The following ZPBP variants were observed in gnomAD, a reference collection of about 807,000 sequenced individuals.
ZPBP encodes the protein zona pellucida-binding protein 1.
Under a neutral mutation model 44.8 loss-of-function variants are expected in ZPBP, and 26 were observed. The observed-to-expected ratio is 0.58, with a 90% CI of 0.43 to 0.81. The LOEUF is 0.81. Ranked by LOEUF, ZPBP falls within the 30% of genes least tolerant of loss-of-function variation. ZPBP has a pLI of 0.00. For missense variants in ZPBP, 409 were observed against 434.0 expected, an observed-to-expected ratio of 0.94 and a Z score of 0.51; for synonymous variants, 174 against 153.2, an observed-to-expected ratio of 1.14 and a Z score of -1.00.
intron 7 of ZPBP, among the ~76,000 whole-genome samples, chr7:49,967,792 C>T (rs1049429113): frequency 2.0e-5 from 3 of 152,032 alleles, no homozygotes; most frequent in Non-Finnish European, 4.4e-5. Flanking sequence ...GTGATCTGCC[C>T]GCCTTGGCCT....
chr7:49,846,898 T>C (rs1056076339), downstream of ZPBP, among the ~76,000 whole-genome samples: 1 of 152,242 alleles, frequency 6.6e-6, no homozygotes, highest in Non-Finnish European at 1.5e-5. Flanking sequence ...TAAAATATTA[T>C]GATACAAATA....
intron 6 of ZPBP, among the ~76,000 whole-genome samples, chr7:50,012,606 T>G (rs2128801868): frequency 6.6e-6 from 1 of 150,914 alleles, no homozygotes; most frequent in Non-Finnish European, 1.5e-5. Context: ...GTAACACCCA[T>G]TTGTAATGTA....
chr7:49,910,224 C>T (rs1205016793), intron 1 of ZPBP, among the ~76,000 whole-genome samples: 2 of 152,194 alleles, frequency 1.3e-5, no homozygotes, highest in Non-Finnish European at 2.9e-5. Context: ...CCTCCACCTC[C>T]TGGGCGAACT....
At chr7:50,049,429 T>C (rs1800572470) in intron 4 of ZPBP, among the ~76,000 whole-genome samples, 1 of 151,188 alleles carries the variant, frequency 6.6e-6, no homozygotes, top group African/African-American at 2.4e-5. Flanking sequence ...GCAAATCAAA[T>C]CTAGCAAAAT....
chr7:50,071,221 T>C (rs1262576038), intron 3 of ZPBP, among the ~76,000 whole-genome samples: 2 of 151,894 alleles, frequency 1.3e-5, no homozygotes, highest in Non-Finnish European at 2.9e-5. Flanking sequence ...AACACAGCAA[T>C]TGTGAGGTAT....
At chr7:49,922,239 T>A (rs960089861) in intron 1 of ZPBP, among the ~76,000 whole-genome samples, 20 of 152,176 alleles carry the variant, frequency 1.3e-4, no homozygotes, top group African/African-American at 4.6e-4. Context: ...TTGTCATTTC[T>A]AAAAGTAAAT....
chr7:50,084,634 C>T (rs12718238), intron 2 of ZPBP, among the ~76,000 whole-genome samples: 117,641 of 151,372 alleles, frequency 0.78, 45,814 homozygotes, highest in East Asian at 0.88. Flanking sequence ...TGGGCCAAAA[C>T]CAATGAAATA....
At chr7:50,036,247 G>A (rs918476218) in intron 4 of ZPBP, among the ~76,000 whole-genome samples, 3 of 152,090 alleles carry the variant, frequency 2.0e-5, no homozygotes, top group African/African-American at 7.2e-5. Context: ...TCCACCTCCC[G>A]GGTTCAAGCA....
the ZPBP span, among the ~76,000 whole-genome samples, chr7:49,841,189 T>G: frequency 6.6e-6 from 1 of 152,224 alleles, no homozygotes; most frequent in African/African-American, 2.4e-5. Context: ...CAGACTCAAG[T>G]AACCAAAGCA....
intron 1 of ZPBP, among the ~76,000 whole-genome samples, chr7:50,089,968 A>G (rs766647541): frequency 9.9e-5 from 15 of 151,980 alleles, no homozygotes; most frequent in Non-Finnish European, 1.8e-4. Flanking sequence ...AGAAGTTCAA[A>G]TCTCCCACCA....
chr7:49,843,406 T>C, the ZPBP span, among the ~76,000 whole-genome samples: 10 of 151,974 alleles, frequency 6.6e-5, no homozygotes, highest in Non-Finnish European at 1.3e-4. Context: ...ATTAAGCAAA[T>C]GTTTTCAGAG....
Position 50,002,188 on chromosome 7 carries a change from C to A in ZPBP, c.783+16052G>T, listed in dbSNP as rs1189990161. Among the ~76,000 whole-genome samples the A allele has an allele frequency of 2.6e-5, 4 of 152,198 alleles. No individual in the cohort carries two copies. The East Asian group carries it at 7.7e-4, about 29-fold the overall frequency. On this transcript the variant is annotated intron_variant, in intron 6 of 7. Coordinates refer to ENST00000046087, the MANE Select transcript of ZPBP (RefSeq NM_007009.3). ...ATCATGGTGGAAGGCAAATGAGGAGCCAAATTACGTCTTACATGGCAGCAG... is the reference window on the plus strand; with the variant it reads ...ATCATGGTGGAAGGCAAATGAGGAGACAAATTACGTCTTACATGGCAGCAG...
intron 7 of ZPBP, among the ~76,000 whole-genome samples, chr7:49,971,100 A>G (rs191452577): frequency 2.6e-3 from 399 of 152,166 alleles, no homozygotes; most frequent in Non-Finnish European, 4.5e-3. Context: ...GACAAGTGAA[A>G]ATGCAAACAC....
At chr7:49,917,884 A>G (rs1341795152) in intron 1 of ZPBP, 1 of 152,066 alleles carries the variant, frequency 6.6e-6, no homozygotes, top group East Asian at 1.9e-4. Flanking sequence ...TTATATTTAC[A>G]TTGTCAAATA....
At chr7:49,953,993 T>C (rs1340080559) in intron 7 of ZPBP, among the ~76,000 whole-genome samples, 1 of 151,986 alleles carries the variant, frequency 6.6e-6, no homozygotes, top group East Asian at 1.9e-4. Context: ...GGGCACTAAA[T>C]AGTCGAAAAA....
intron 2 of ZPBP, among the ~76,000 whole-genome samples, chr7:49,858,709 A>T (rs1218983540): frequency 1.5e-5 from 2 of 135,568 alleles, no homozygotes; most frequent in South Asian, 2.1e-4. Flanking sequence ...TAATAATAAT[A>T]AAAAAAAGAA....
chr7:50,067,257 A>G (rs568974309), intron 3 of ZPBP, among the ~76,000 whole-genome samples: 1 of 152,026 alleles, frequency 6.6e-6, no homozygotes, highest in South Asian at 2.1e-4. Flanking sequence ...GCACATCACA[A>G]CCACCTCTTT....
At chr7:49,964,915 A>C (rs901371676) in intron 7 of ZPBP, among the ~76,000 whole-genome samples, 3 of 152,132 alleles carry the variant, frequency 2.0e-5, no homozygotes, top group African/African-American at 7.2e-5. Context: ...TCCTTAGGAC[A>C]TGAACTTTGG....
chr7:49,887,697 C>T (rs543460128), intron 2 of ZPBP, among the ~76,000 whole-genome samples: 7 of 148,682 alleles, frequency 4.7e-5, no homozygotes, highest in Non-Finnish European at 8.8e-5. Flanking sequence ...AGGTTCATCC[C>T]GGGGCCCAGC....
Sources: gnomAD v4.1 joint callset for allele counts (sites outside exome capture counted in the v4.1 genomes callset) on GRCh38, gnomAD v4.1.1 for gene constraint, MANE v1.5 for transcripts, NCBI Gene and HGNC (gene_info 2026-07-23, HGNC 2026-07-21) for gene names.